The following FRYL variants were observed in gnomAD, a reference collection of about 807,000 sequenced individuals.
The protein encoded by FRYL is protein furry homolog-like.
FRYL carries 150 observed loss-of-function variants against 351.2 expected under a neutral mutation model. The observed-to-expected ratio is 0.43, with a 90% CI of 0.37 to 0.49. The LOEUF (loss-of-function observed/expected upper bound fraction) is 0.49, where lower values mean the gene tolerates loss of function less well. Among genes scored for constraint, FRYL ranks in the 20% least tolerant of loss-of-function variants. The pLI, the probability that FRYL is intolerant of heterozygous loss-of-function variation, is 0.00. For synonymous variants in FRYL, 1,153 were observed against 1,257.1 expected (o/e 0.92, Z 1.75); for missense variants, 3,036 against 3,619.3 (o/e 0.84, Z 4.13).
intron 1 of FRYL, among the ~76,000 whole-genome samples, chr4:48,755,349 T>C (rs1390509115): frequency 3.3e-5 from 5 of 152,168 alleles, no homozygotes; most frequent in Non-Finnish European, 4.4e-5. Flanking sequence ...ACACATAGCC[T>C]CAACATTTTC....
rs1394686669 is a variant in FRYL at position 48,623,235 on chromosome 4, T to A, written c.121-56A>T. 5 of 989,490 alleles carry A rather than the reference T, an allele frequency of 5.1e-6. No individual in the cohort carries two copies. In the African/African-American group the frequency reaches 6.8e-5, roughly 13 times the overall value. 61.3% of individuals were successfully genotyped at this position (989,490 alleles called of 1,614,324 possible). On this transcript the variant is annotated intron_variant, in intron 4 of 63. Transcript: ENST00000358350. The stretch of plus-strand genomic sequence containing the variant: ...AAAAATAAAGCACAAATATAAAACA[T>A]TAGAAATCTTCTACATAATAAACAG...
chr4:48,535,612 C>T (rs1560555531), intron 48 of FRYL, 45 bp downstream of exon 48: 101 of 1,214,122 alleles, frequency 8.3e-5, no homozygotes, highest in Non-Finnish European at 1.1e-4. Context: ...CACACACACA[C>T]ACATATATAT....
At chr4:48,728,736 TAAG>T (rs1770363102) in intron 1 of FRYL, among the ~76,000 whole-genome samples, 2 of 152,056 alleles carry the variant, frequency 1.3e-5, no homozygotes, top group African/African-American at 4.8e-5. Context: ...ACCATGAAAG[TAAG>T]AAGAGAGGGT....
At chr4:48,535,931 T>C (rs1728780374) in intron 47 of FRYL, 104 bp from the exon 48 acceptor site, 3 of 918,812 alleles carry the variant, frequency 3.3e-6, no homozygotes, top group East Asian at 3.0e-5. Flanking sequence ...TAGATGTATA[T>C]TGGTTTTAAT....
intron 9 of FRYL, among the ~76,000 whole-genome samples, chr4:48,607,313 A>G (rs1336213287): frequency 6.6e-6 from 1 of 152,174 alleles, no homozygotes; most frequent in African/African-American, 2.4e-5. Context: ...ACCTCAAAAC[A>G]TGCTTTCCAG....
At chr4:48,522,775 G>T in intron 54 of FRYL, 126 bp downstream of exon 54, 1 of 780,768 alleles carries the variant, frequency 1.3e-6, no homozygotes, top group Non-Finnish European at 2.3e-6. Context: ...CTCCATTAGT[G>T]TTGCAATCTT....
chr4:48,634,331 T>G lies in FRYL; in HGVS notation c.80A>C (p.Gln27Pro). Reference sequence around the variant, plus strand: ...TACAACTTCAATTTTCTTTTCAGCTTGAACAGCAAATTCTGCAAAGAGGCT... The same window carrying G: ...TACAACTTCAATTTTCTTTTCAGCTGGAACAGCAAATTCTGCAAAGAGGCT... The part of the protein sequence containing the change: ...IKSLFAEFAV[Q>P]AEKKIEVVMA... Residue 27 changes from glutamine (Q) to proline (P), a missense_variant, in exon 4 of 64, where the codon CAA becomes CCA. By Grantham distance (76) the Gln-to-Pro change is moderately conservative. Coordinates refer to ENST00000358350, the MANE Select transcript of FRYL (RefSeq NM_015030.2). The G allele has an allele frequency of 6.2e-7, 1 of 1,613,758 alleles. No individual in the cohort carries two copies. The highest frequency in any genetic ancestry group is 8.5e-7 in the Non-Finnish European group (1 of 1,179,746).
chr4:48,563,273 A>T (rs1477953384), intron 31 of FRYL, among the ~76,000 whole-genome samples: 1 of 150,910 alleles, frequency 6.6e-6, no homozygotes, highest in African/African-American at 2.5e-5. Context: ...AAAACAGCTG[A>T]TGAACTAAAA....
chr4:48,518,834 A>G (rs1172954198), intron 55 of FRYL, among the ~76,000 whole-genome samples: 2 of 152,240 alleles, frequency 1.3e-5, no homozygotes, highest in Non-Finnish European at 2.9e-5. Flanking sequence ...AGTATGATGA[A>G]TAAGATGAGA....
rs867177986 is a variant in FRYL, at chr4:48,710,583, T to C, written c.-268A>G. ...AGACACCAAGTTTGGAAAGGATCCATCTAGAAGCTTTTTTGATCTGGAGCT... is the reference window on the plus strand; with the variant it reads ...AGACACCAAGTTTGGAAAGGATCCACCTAGAAGCTTTTTTGATCTGGAGCT... On this transcript the variant is annotated 5_prime_UTR_variant, in exon 2 of 64. An upstream start codon of the reference 5' UTR is lost. Coordinates refer to ENST00000358350, the MANE Select transcript of FRYL (RefSeq NM_015030.2). 14 of 398,514 alleles carry C rather than the reference T, an allele frequency of 3.5e-5. No homozygotes were observed. The highest frequency in any genetic ancestry group is 1.2e-3 in the Middle Eastern group (2 of 1,610). The allele number at this position is 398,514 out of a possible 1,614,324, so 24.7% of individuals were successfully genotyped here.
At chr4:48,545,107 A>G (rs967116521) in intron 42 of FRYL, among the ~76,000 whole-genome samples, 6 of 152,212 alleles carry the variant, frequency 3.9e-5, no homozygotes, top group African/African-American at 1.2e-4. Context: ...CTAGCAACAG[A>G]CCAGTCAAAT....
intron 1 of FRYL, among the ~76,000 whole-genome samples, chr4:48,747,162 T>TTCC (rs10683652): frequency 6.6e-6 from 1 of 150,398 alleles, no homozygotes; most frequent in African/African-American, 2.4e-5. Flanking sequence ...ATTTCCCCTA[T>TTCC]CCCCCCCCAA....
intron 1 of FRYL, among the ~76,000 whole-genome samples, chr4:48,733,277 G>C (rs1770941437): frequency 7.0e-6 from 1 of 141,978 alleles, no homozygotes; most frequent in Admixed American, 7.0e-5. Flanking sequence ...TCCATCTCAA[G>C]AAAAATAAAA....
chr4:48,734,381 G>T (rs569641108), intron 1 of FRYL, among the ~76,000 whole-genome samples: 3 of 152,154 alleles, frequency 2.0e-5, no homozygotes, highest in Non-Finnish European at 4.4e-5. Context: ...ATGTGTGTGT[G>T]TGCCTAACAG....
In FRYL at chr4:48,565,618, T is replaced by A. The variant is rs1430958328; in HGVS notation, c.3243A>T (p.Ala1081=). ...GCGTAAACATGATGCTAAAAGGACC[T>A]GCCCAGTGACTGAACAGCATAAATA... ...HSLFMLFSHW[A]GPFSIMFTPL... is the part of the protein sequence containing the mutation. The change falls in exon 29 of 64, where the codon GCA becomes GCT. Residue 1081 remains alanine, a synonymous_variant. Coordinates refer to ENST00000358350, the MANE Select transcript of FRYL (RefSeq NM_015030.2). The A allele has an allele frequency of 3.1e-6, 5 of 1,613,874 alleles. No homozygotes were observed. Among genetic ancestry groups the A allele is most frequent in the East Asian group, 4.5e-5 (2 of 44,876 alleles).
chr4:48,601,656 C>A (rs982743741), intron 13 of FRYL, among the ~76,000 whole-genome samples: 5 of 152,042 alleles, frequency 3.3e-5, no homozygotes, highest in African/African-American at 9.7e-5. Context: ...AGACTTAAAC[C>A]AACATTACTG....
At chr4:48,587,948 TTTAG>T (rs1742486565) in intron 18 of FRYL, among the ~76,000 whole-genome samples, 1 of 152,358 alleles carries the variant, frequency 6.6e-6, no homozygotes, top group South Asian at 2.1e-4. Context: ...GTTACCACAC[TTTAG>T]TTAAATAATA....
chr4:48,737,129 A>G (rs1771524297), intron 1 of FRYL, among the ~76,000 whole-genome samples: 1 of 151,336 alleles, frequency 6.6e-6, no homozygotes, highest in South Asian at 2.1e-4. Flanking sequence ...AAAATACAAA[A>G]ATTAGCCAGG....
intron 19 of FRYL, among the ~76,000 whole-genome samples, chr4:48,583,853 C>T (rs1178075021): frequency 4.0e-5 from 6 of 150,674 alleles, no homozygotes; most frequent in Non-Finnish European, 4.4e-5. Context: ...TGCAATGAGC[C>T]GAGATTGTGC....
Sources: gnomAD v4.1 joint callset for allele counts (sites outside exome capture counted in the v4.1 genomes callset) on GRCh38, gnomAD v4.1.1 for gene constraint, MANE v1.5 for transcripts, NCBI Gene and HGNC (gene_info 2026-07-23, HGNC 2026-07-21) for gene names.